Variants in C8orf74 observed in about 807,000 individuals in gnomAD.
C8orf74 encodes chromosome 8 open reading frame 74.
Under a neutral mutation model 22.2 loss-of-function variants are expected in C8orf74, and 29 were observed. That is an observed-to-expected ratio of 1.31 (90% CI 0.97 to 1.78). C8orf74 has a LOEUF of 1.78. Among genes scored for constraint, C8orf74 ranks in the 40% most tolerant of loss-of-function variants. C8orf74 has a pLI of 0.00. For synonymous variants in C8orf74, 255 were observed against 163.1 expected (o/e 1.56, Z -4.30); for missense variants, 515 against 369.9 (o/e 1.39, Z -3.22).
At chr8:10,690,470 T>G (rs1422128685) in intron 2 of C8orf74, among the ~76,000 whole-genome samples, 1 of 152,142 alleles carries the variant, frequency 6.6e-6, no homozygotes, top group Non-Finnish European at 1.5e-5. Context: ...GCCCTTGCTT[T>G]CGTCTGCTTC....
intron 2 of C8orf74, among the ~76,000 whole-genome samples, chr8:10,677,398 A>G (rs755945556): frequency 2.0e-5 from 3 of 152,142 alleles, no homozygotes; most frequent in Non-Finnish European, 2.9e-5. Flanking sequence ...TAAAAACTCA[A>G]ATACTTACTG....
At chr8:10,695,445 TC>T (rs1315794156) in intron 2 of C8orf74, among the ~76,000 whole-genome samples, 1 of 151,864 alleles carries the variant, frequency 6.6e-6, no homozygotes, top group Non-Finnish European at 1.5e-5. Flanking sequence ...CCTCCTTCCC[TC>T]CCCCTGGAGG....
intron 2 of C8orf74, among the ~76,000 whole-genome samples, chr8:10,697,242 G>T (rs1175341779): frequency 6.6e-6 from 1 of 152,016 alleles, no homozygotes; most frequent in Non-Finnish European, 1.5e-5. Flanking sequence ...AGTTCAGCCT[G>T]GGCAAAACAG....
At chr8:10,683,278 G>C (rs1343291117) in intron 2 of C8orf74, among the ~76,000 whole-genome samples, 2 of 152,252 alleles carry the variant, frequency 1.3e-5, no homozygotes, top group African/African-American at 4.8e-5. Context: ...CGTGGCCCAG[G>C]CCTACCTGGC....
intron 2 of C8orf74, among the ~76,000 whole-genome samples, chr8:10,696,441 C>CTTTTTTT (rs546082377): frequency 8.3e-4 from 85 of 102,392 alleles, no homozygotes; most frequent in Non-Finnish European, 1.0e-3. Flanking sequence ...CTTTTCTTTT[C>CTTTTTTT]TTTTTTTTTT....
At chr8:10,687,439 C>G (rs1030442559) in intron 2 of C8orf74, among the ~76,000 whole-genome samples, 26 of 151,808 alleles carry the variant, frequency 1.7e-4, no homozygotes, top group African/African-American at 5.8e-4. Context: ...CACCTGAGAT[C>G]AGGAGTTCAA....
At chr8:10,694,917 C>T (rs1586050706) in intron 2 of C8orf74, among the ~76,000 whole-genome samples, 1 of 150,442 alleles carries the variant, frequency 6.6e-6, no homozygotes, top group Non-Finnish European at 1.5e-5. Context: ...GATGGGTGGA[C>T]GGATGGATGG....
intron 2 of C8orf74, among the ~76,000 whole-genome samples, chr8:10,697,259 C>A (rs1468585816): frequency 6.6e-6 from 1 of 151,996 alleles, no homozygotes; most frequent in African/African-American, 2.4e-5. Context: ...ACAGTGATAA[C>A]CTCATCTCCA....
Position 10,697,551 on chromosome 8 carries a change from G to T in C8orf74, c.242-48G>T, listed in dbSNP as rs1469293903. Reference sequence around the variant, plus strand: ...AGAGCCCACATCCACTGCCTGGCAGGGCAGCTCTGTCCCACTCCCACTCTG... The same window carrying T: ...AGAGCCCACATCCACTGCCTGGCAGTGCAGCTCTGTCCCACTCCCACTCTG... On this transcript the variant is annotated intron_variant, in intron 2 of 3. Coordinates refer to ENST00000304519, the MANE Select transcript of C8orf74 (RefSeq NM_001040032.2). 2.6e-6 allele frequency: 4 copies of T among 1,564,904 alleles called. No homozygotes were observed. In the African/African-American group the frequency reaches 5.4e-5, roughly 21 times the overall value.
chr8:10,696,767 T>A (rs946915979), intron 2 of C8orf74, among the ~76,000 whole-genome samples: 1 of 152,088 alleles, frequency 6.6e-6, no homozygotes, highest in Non-Finnish European at 1.5e-5. Flanking sequence ...TCCACTCTTA[T>A]GGGAATTCCT....
At chr8:10,688,626 G>C (rs1401286802) in intron 2 of C8orf74, 1 of 152,310 alleles carries the variant, frequency 6.6e-6, no homozygotes, top group African/African-American at 2.4e-5. Flanking sequence ...TTGAATCCTT[G>C]GTGCCCAAGT....
chr8:10,685,422 A>C (rs1487521656), intron 2 of C8orf74, among the ~76,000 whole-genome samples: 2 of 152,280 alleles, frequency 1.3e-5, no homozygotes, highest in African/African-American at 4.8e-5. Context: ...ATGGATAAGC[A>C]GAATGTGATC....
chr8:10,690,698 C>T (rs964212352), intron 2 of C8orf74, among the ~76,000 whole-genome samples: 6 of 152,130 alleles, frequency 3.9e-5, no homozygotes, highest in African/African-American at 1.2e-4. Flanking sequence ...CCCCGGCTCG[C>T]CCAGCCCAGA....
intron 2 of C8orf74, among the ~76,000 whole-genome samples, chr8:10,693,528 G>T (rs1455984601): frequency 6.6e-6 from 1 of 152,166 alleles, no homozygotes; most frequent in Non-Finnish European, 1.5e-5. Flanking sequence ...TATTAGAGCT[G>T]GTTCACTTAC....
intron 3 of C8orf74, among the ~76,000 whole-genome samples, chr8:10,699,344 G>A (rs928724300): frequency 3.3e-5 from 5 of 152,088 alleles, no homozygotes; most frequent in Admixed American, 1.3e-4. Context: ...AAAACACCAC[G>A]CATTCTCTTA....
chr8:10,695,828 G>C (rs996760802), intron 2 of C8orf74, among the ~76,000 whole-genome samples: 6 of 152,154 alleles, frequency 3.9e-5, no homozygotes, highest in African/African-American at 1.4e-4. Context: ...CCTACTTCGG[G>C]GAAAAGCCCG....
chr8:10,688,850 G>C (rs1050360636), intron 2 of C8orf74: 4 of 152,284 alleles, frequency 2.6e-5, no homozygotes, highest in African/African-American at 9.7e-5. Flanking sequence ...GCAGTAGGAG[G>C]TGGGAAGATC....
chr8:10,697,267 C>G (rs59830947), intron 2 of C8orf74, among the ~76,000 whole-genome samples: 8,858 of 151,984 alleles, frequency 0.058, 849 homozygotes, highest in African/African-American at 0.2. Context: ...AACCTCATCT[C>G]CACAAAACAT....
rs1799562872 is a variant in C8orf74 at position 10,697,890 on chromosome 8, A to AGCGC, written c.536_539dup (p.Asp181ArgfsTer140). 1.2e-6 allele frequency: 2 copies of AGCGC among 1,610,954 alleles called. No individual in the cohort carries two copies. The highest frequency in any genetic ancestry group is 2.7e-5 in the African/African-American group (2 of 74,922). On this transcript the variant is annotated frameshift_variant, in exon 3 of 4. Transcript: ENST00000304519. LOFTEE classifies it high-confidence loss of function. ...ACACTGACGGAGGCCGAGGCACAGA[A>AGCGC]GCGCGCCGACGTGCTGCTCCTGAAA... is the stretch of plus-strand genomic sequence containing the variant.
Sources: allele counts gnomAD v4.1 joint callset (sites outside exome capture counted in the v4.1 genomes callset), GRCh38; gene constraint gnomAD v4.1.1; transcripts MANE v1.5; gene names NCBI Gene and HGNC (gene_info 2026-07-23, HGNC 2026-07-21).